Variants in IL9 observed in about 807,000 individuals in gnomAD.
IL9 encodes the protein interleukin-9.
IL9 carries 16 observed loss-of-function variants against 12.9 expected under a neutral mutation model. The ratio of observed to expected loss-of-function variants is 1.24; its 90% CI spans 0.84 to 1.88. The LOEUF (loss-of-function observed/expected upper bound fraction) is 1.88, where lower values mean the gene tolerates loss of function less well. Ranked by LOEUF, IL9 falls within the 40% of genes most tolerant of loss-of-function variation. The pLI, the probability that IL9 is intolerant of heterozygous loss-of-function variation, is 0.00. For missense variants in IL9, 170 were observed against 173.1 expected (o/e 0.98, Z 0.10); for synonymous variants, 69 against 63.8 (o/e 1.08, Z -0.39).
At chr5:135,894,180 A>C in intron 3 of IL9, 29 bp from the exon 4 acceptor site, 1 of 1,602,626 alleles carries the variant, frequency 6.2e-7, no homozygotes, top group Non-Finnish European at 8.5e-7. Flanking sequence ...TTATTCAAAG[A>C]AATATTCTGA....
intron 3 of IL9, 53 bp downstream of exon 3, chr5:135,895,385 TAA>T: frequency 6.7e-7 from 1 of 1,486,940 alleles, no homozygotes; most frequent in Non-Finnish European, 9.2e-7. Context: ...TATTTTTACT[TAA>T]AAACAAACCA....
intron 1 of IL9, 46 bp from the exon 2 acceptor site, chr5:135,895,636 T>C: frequency 6.2e-7 from 1 of 1,612,014 alleles, no homozygotes; most frequent in Non-Finnish European, 8.5e-7. Flanking sequence ...CCCCGAGTTT[T>C]TTCATCCTCA....
intron 3 of IL9, among the ~76,000 whole-genome samples, chr5:135,894,441 G>T (rs1374773128): frequency 1.3e-5 from 2 of 152,184 alleles, no homozygotes; most frequent in East Asian, 3.9e-4. Context: ...TTCAACGGGT[G>T]CTTCCCGGCT....
intron 1 of IL9, 41 bp downstream of exon 1, chr5:135,895,662 G>C (rs761465688): frequency 1.2e-6 from 2 of 1,603,186 alleles, no homozygotes. Context: ...ATTTCACTTT[G>C]TCAGTAGCTG....
rs1293016568 is a variant in IL9 at position 135,895,784 on chromosome 5, C to T, written c.33G>A (p.Leu11=). The T allele has an allele frequency of 1.2e-6, 2 of 1,614,048 alleles. No individual in the cohort carries two copies. Among genetic ancestry groups the T allele is most frequent in the Non-Finnish European group, 1.7e-6 (2 of 1,179,984 alleles). ...CCTGGCCTGCCACGGAGCACAGGAGCAGGGCAGAGGTAAGGACCATGGCCA... is the reference window on the plus strand; with the variant it reads ...CCTGGCCTGCCACGGAGCACAGGAGTAGGGCAGAGGTAAGGACCATGGCCA... MLLAMVLTSA[L]LLCSVAGQGC... The change falls in exon 1 of 5, where the codon CTG becomes CTA. Residue 11 remains leucine (L), a synonymous_variant. Coordinates refer to ENST00000274520, the MANE Select transcript of IL9 (RefSeq NM_000590.2).
rs141211399 is a variant in IL9, at chr5:135,895,554, C to T, written c.150+1G>A. 53 of 1,613,856 alleles carry T rather than the reference C, an allele frequency of 3.3e-5. No homozygotes were observed. The highest frequency in any genetic ancestry group is 1.6e-4 in the Middle Eastern group (1 of 6,084). On this transcript the variant is annotated splice_donor_variant, in intron 2 of 4. Transcript: ENST00000274520. LOFTEE classifies it high-confidence loss of function. ...AAAGTTCTTAAAGAGCATTCACTCA[C>T]ATTAGCACTGCAGTGGCACTTGGAA...
chr5:135,893,994 C>T (rs1220860895), intron 4 of IL9, 26 bp downstream of exon 4: 1 of 1,598,436 alleles, frequency 6.3e-7, no homozygotes, highest in Non-Finnish European at 8.5e-7. Flanking sequence ...CCAACAGGAA[C>T]ATATCACATA....
chr5:135,895,436 T>C lies in IL9; in HGVS notation c.183+4A>G, dbSNP rs373038396. On this transcript the variant is annotated splice_donor_region_variant and intron_variant, in intron 3 of 4. Transcript: ENST00000274520. ...TCAACATTATGTTATTTCACTATAC[T>C]TACAGAGGGAATGCCCAAACAGAGA... 2.1e-5 allele frequency: 34 copies of C among 1,612,626 alleles called. No homozygotes were observed. Among genetic ancestry groups the C allele is most frequent in the Non-Finnish European group, 2.9e-5 (34 of 1,179,296 alleles).
At position 135,892,288 on chromosome 5, in the gene IL9, A is replaced by C. The variant is rs1036227540; in HGVS notation, c.*103T>G. 7 of 854,622 alleles carry C rather than the reference A, an allele frequency of 8.2e-6. No homozygotes were observed. The Admixed American group carries it at 2.0e-4, about 24-fold the overall frequency. 52.9% of individuals were successfully genotyped at this position (854,622 alleles called of 1,614,324 possible). A position where few individuals can be genotyped will look rare whatever the true frequency, so the allele number is the denominator to read the frequency against. On this transcript the variant is annotated 3_prime_UTR_variant, in exon 5 of 5. Coordinates refer to ENST00000274520, the MANE Select transcript of IL9 (RefSeq NM_000590.2). ...GACATACAATGTTAAACAAATAATC[A>C]CAACTGATACTGATTTAGAGTAGCT...
chr5:135,894,021 G>C lies in IL9; in HGVS notation c.314C>G (p.Pro105Arg), dbSNP rs964849774. The C allele has an allele frequency of 3.1e-6, 5 of 1,609,732 alleles. No homozygotes were observed. Among genetic ancestry groups the C allele is most frequent in the Non-Finnish European group, 3.4e-6 (4 of 1,179,006 alleles). ...SVEVLKNNKCPYFSCEQPCNQ... is the reference protein window; with the variant it reads ...SVEVLKNNKCRYFSCEQPCNQ... ...TATCACATATGAAAACAAACTTACT[G>C]GACACTTGTTGTTCTTTAGTACTTC... is the stretch of plus-strand genomic sequence containing the variant. Residue 105 changes from proline to arginine, a missense_variant and splice_region_variant, in exon 4 of 5, where the codon CCA (proline) becomes CGA (arginine). Transcript: ENST00000274520.
intron 3 of IL9, 44 bp downstream of exon 3, chr5:135,895,396 C>CA: frequency 5.2e-6 from 8 of 1,543,960 alleles, no homozygotes; most frequent in Non-Finnish European, 7.0e-6. Flanking sequence ...AAAAACAAAC[C>CA]AAAAAAATCC....
In IL9 at chr5:135,892,256, A is replaced by G. The variant is rs1762877569; in HGVS notation, c.*135T>C. 2 of 647,554 alleles carry G rather than the reference A, an allele frequency of 3.1e-6. No individual in the cohort carries two copies. Among genetic ancestry groups the G allele is most frequent in the Non-Finnish European group, 2.5e-6 (1 of 403,806 alleles). The allele number at this position is 647,554 out of a possible 1,614,324, so 40.1% of individuals were successfully genotyped here. ...TTTTTCCACATATGTATTTATTTCA[A>G]AATAAAGACATACAATGTTAAACAA... On this transcript the variant is annotated 3_prime_UTR_variant, in exon 5 of 5. Transcript: ENST00000274520.
intron 4 of IL9, 36 bp from the exon 5 acceptor site, chr5:135,892,546 C>A: frequency 6.3e-7 from 1 of 1,588,796 alleles, no homozygotes; most frequent in South Asian, 1.2e-5. Flanking sequence ...CAGAGTGACT[C>A]AAATGATGTA....
chr5:135,894,199 T>A, intron 3 of IL9, 48 bp from the exon 4 acceptor site: 2 of 1,558,364 alleles, frequency 1.3e-6, no homozygotes, highest in Non-Finnish European at 1.8e-6. Context: ...GAGGACAGCT[T>A]TGGAAATATA....
At chr5:135,892,763 CACACACACACACACA>C (rs1323457401) in intron 4 of IL9, among the ~76,000 whole-genome samples, 14 of 137,134 alleles carry the variant, frequency 1.0e-4, no homozygotes, top group African/African-American at 3.5e-4. Flanking sequence ...CACACACACA[CACACACACACACACA>C]CCCCTATTAA....
Position 135,895,789 on chromosome 5 carries a change from C to T in IL9, c.28G>A (p.Ala10Thr). MLLAMVLTS[A>T]LLLCSVAGQG... ...CCTGCCACGGAGCACAGGAGCAGGG[C>T]AGAGGTAAGGACCATGGCCAGAAGC... is the stretch of plus-strand genomic sequence containing the variant. Residue 10 changes from alanine (A) to threonine (T), a missense_variant, in exon 1 of 5, where the codon GCC (alanine) becomes ACC (threonine). Coordinates refer to ENST00000274520, the MANE Select transcript of IL9 (RefSeq NM_000590.2). 6.2e-7 allele frequency: 1 copy of T among 1,613,934 alleles called. No individual in the cohort carries two copies. The highest frequency in any genetic ancestry group is 2.2e-5 in the East Asian group (1 of 44,886).
Position 135,892,445 on chromosome 5 carries a change from A to G in IL9, c.381T>C (p.Ser127=), listed in dbSNP as rs202065589. Residue 127 remains serine (S), a synonymous_variant, in exon 5 of 5, where the codon AGT becomes AGC. Transcript: ENST00000274520. The part of the protein sequence containing the change: ...TAGNALTFLK[S]LLEIFQKEKM... ...TTTCTTTCTGGAAAATTTCCAGAAGACTCTTCAGAAATGTCAGCGCGTTGC... is the reference window on the plus strand; with the variant it reads ...TTTCTTTCTGGAAAATTTCCAGAAGGCTCTTCAGAAATGTCAGCGCGTTGC... 74 of 1,612,266 alleles carry G rather than the reference A, an allele frequency of 4.6e-5. 1 individual carries two copies. The highest frequency in any genetic ancestry group is 5.8e-5 in the Non-Finnish European group (68 of 1,179,176).
intron 1 of IL9, 40 bp from the exon 2 acceptor site, chr5:135,895,630 G>A (rs370164592): frequency 1.2e-5 from 20 of 1,612,494 alleles, no homozygotes; most frequent in Admixed American, 1.7e-5. Context: ...AGTCAGCCCC[G>A]AGTTTTTTCA....
chr5:135,892,815 A>G (rs1340062823), intron 4 of IL9, among the ~76,000 whole-genome samples: 9 of 151,444 alleles, frequency 5.9e-5, no homozygotes, highest in Non-Finnish European at 1.3e-4. Context: ...GCATTAGAGA[A>G]AGCCTTTTCT....
Sources: gnomAD v4.1 joint callset for allele counts (sites outside exome capture counted in the v4.1 genomes callset) on GRCh38, gnomAD v4.1.1 for gene constraint, MANE v1.5 for transcripts, NCBI Gene and HGNC (gene_info 2026-07-23, HGNC 2026-07-21) for gene names.